Variants in COBL observed in about 807,000 individuals in gnomAD.
COBL encodes the protein protein cordon-bleu.
Under a neutral mutation model 98.8 loss-of-function variants are expected in COBL, and 51 were observed. The ratio of observed to expected loss-of-function variants is 0.52; its 90% confidence interval spans 0.41 to 0.65. The LOEUF (loss-of-function observed/expected upper bound fraction) is 0.65. COBL is among the 30% of genes least tolerant of loss of function. The probability of loss-of-function intolerance (pLI) is 0.00; values close to 1 mark genes in which losing one functional copy is unlikely to be tolerated. For synonymous variants in COBL, 634 were observed against 651.7 expected (o/e 0.97, Z 0.41); for missense variants, 1,617 against 1,617.5 (o/e 1.00, Z 0.01).
At chr7:51,035,659 G>T (rs893114485) in intron 8 of COBL, 2 of 151,522 alleles carry the variant, frequency 1.3e-5, no homozygotes, top group African/African-American at 4.8e-5. Context: ...AATGTATAAA[G>T]AAATAGGTAG....
chr7:51,167,468 C>A (rs1289301569), intron 5 of COBL, among the ~76,000 whole-genome samples: 2 of 151,750 alleles, frequency 1.3e-5, no homozygotes, highest in African/African-American at 4.8e-5. Flanking sequence ...GAAAAATATT[C>A]CATGCTTATG....
chr7:51,119,337 T>C (rs1161011331), intron 6 of COBL, among the ~76,000 whole-genome samples: 4 of 152,180 alleles, frequency 2.6e-5, no homozygotes, highest in Non-Finnish European at 5.9e-5. Flanking sequence ...AAGGGAAACA[T>C]TGGTTTTGTA....
intron 1 of COBL, among the ~76,000 whole-genome samples, chr7:51,253,717 T>C (rs1284993823): frequency 6.6e-6 from 1 of 152,212 alleles, no homozygotes; most frequent in Non-Finnish European, 1.5e-5. Context: ...CACAACACCA[T>C]TACCAACTAT....
intron 5 of COBL, among the ~76,000 whole-genome samples, chr7:51,141,361 T>C (rs1024099394): frequency 7.2e-5 from 11 of 152,192 alleles, no homozygotes; most frequent in African/African-American, 2.7e-4. Flanking sequence ...GCAGAGGCTC[T>C]TCTAAATGGG....
At chr7:51,215,607 C>G (rs1792956750) in intron 2 of COBL, among the ~76,000 whole-genome samples, 1 of 152,212 alleles carries the variant, frequency 6.6e-6, no homozygotes, top group Admixed American at 6.5e-5. Flanking sequence ...CATAATCACA[C>G]CAAGGTGCAC....
chr7:51,237,100 T>C (rs1795324794), intron 1 of COBL, among the ~76,000 whole-genome samples: 2 of 152,204 alleles, frequency 1.3e-5, no homozygotes, highest in Admixed American at 6.5e-5. Context: ...TGAAGCGAAA[T>C]GCCCAGCTCT....
chr7:51,144,757 A>C (rs1387291707), intron 5 of COBL, among the ~76,000 whole-genome samples: 3 of 152,042 alleles, frequency 2.0e-5, no homozygotes, highest in African/African-American at 7.2e-5. Flanking sequence ...GACTCTATGG[A>C]TTTACCTGTT....
At chr7:51,072,235 A>G (rs946369496) in intron 7 of COBL, 1 of 152,188 alleles carries the variant, frequency 6.6e-6, no homozygotes, top group Non-Finnish European at 1.5e-5. Flanking sequence ...ATGCATCTGC[A>G]TAATAAAAGT....
rs550684313 is a variant in COBL at position 51,038,469 on chromosome 7, C to A, written c.1406+4914G>T. ...CAGCTTGTCAATGTGTGAACCCAGGCATCCCTAGCCAAAGGAGTCTAGATG... is the reference window on the plus strand; with the variant it reads ...CAGCTTGTCAATGTGTGAACCCAGGAATCCCTAGCCAAAGGAGTCTAGATG... On this transcript the variant is annotated intron_variant, in intron 8 of 12. Transcript: ENST00000265136. 1.8e-4 allele frequency among the ~76,000 whole-genome samples: 28 copies of A among 152,352 alleles called. No individual in the cohort carries two copies. The South Asian group carries it at 5.6e-3, about 30-fold the overall frequency.
At chr7:51,050,919 A>G (rs780501520) in intron 7 of COBL, among the ~76,000 whole-genome samples, 1 of 152,244 alleles carries the variant, frequency 6.6e-6, no homozygotes, top group Non-Finnish European at 1.5e-5. Context: ...TTGCACATAT[A>G]TCTATGTAAC....
chr7:51,151,662 A>G (rs982565583), intron 5 of COBL, among the ~76,000 whole-genome samples: 1 of 152,282 alleles, frequency 6.6e-6, no homozygotes, highest in Non-Finnish European at 1.5e-5. Context: ...GGCCTGCATC[A>G]AAGTCCAGTA....
At chr7:51,060,066 G>A (rs889757339) in intron 7 of COBL, among the ~76,000 whole-genome samples, 1 of 152,034 alleles carries the variant, frequency 6.6e-6, no homozygotes, top group Non-Finnish European at 1.5e-5. Context: ...ATCTGATCTC[G>A]TCTTCAGTGC....
Position 51,294,335 on chromosome 7 carries a change from T to TAA in COBL, c.41+22256_41+22257dup, listed in dbSNP as rs1305294601. On this transcript the variant is annotated intron_variant, in intron 1 of 12. Coordinates refer to ENST00000265136, the MANE Select transcript of COBL (RefSeq NM_015198.5). ...AAATAAATAAATAAATAAATAAAAA[T>TAA]AAATAAATAAATAAAAGGCAGGGCG... 1.1e-4 allele frequency among the ~76,000 whole-genome samples: 14 copies of TAA among 133,124 alleles called. No homozygotes were observed. In the East Asian group the frequency reaches 2.2e-3, roughly 21 times the overall value. The allele number at this position is 133,124 out of a possible 152,430, so 87.3% of individuals were successfully genotyped here.
At chr7:51,177,786 AT>A (rs1377210957) in intron 5 of COBL, among the ~76,000 whole-genome samples, 1 of 146,902 alleles carries the variant, frequency 6.8e-6, no homozygotes, top group African/African-American at 2.6e-5. Flanking sequence ...AAATAAATAA[AT>A]AAATAAATAA....
chr7:51,061,950 T>TACACACACACACACACACATAC (rs1554364725), intron 7 of COBL, among the ~76,000 whole-genome samples: 1 of 145,448 alleles, frequency 6.9e-6, no homozygotes, highest in African/African-American at 2.7e-5. Flanking sequence ...CCACCATAGA[T>TACACACACACACACACACATAC]ACACACACAC....
chr7:51,056,131 G>A (rs1160533744), intron 7 of COBL, among the ~76,000 whole-genome samples: 1 of 150,378 alleles, frequency 6.6e-6, no homozygotes, highest in Non-Finnish European at 1.5e-5. Flanking sequence ...AAGACAGAAT[G>A]AGGAAATTAC....
intron 5 of COBL, chr7:51,172,469 C>T (rs1309412112): frequency 2.3e-6 from 3 of 1,288,368 alleles, no homozygotes; most frequent in African/African-American, 3.0e-5. Flanking sequence ...CAAACCCCTT[C>T]CTGGGGCAGC....
At chr7:51,233,174 T>A (rs1182345438) in intron 1 of COBL, among the ~76,000 whole-genome samples, 1 of 152,186 alleles carries the variant, frequency 6.6e-6, no homozygotes, top group Non-Finnish European at 1.5e-5. Flanking sequence ...TCTAATTATG[T>A]ATAGTGACAG....
intron 6 of COBL, among the ~76,000 whole-genome samples, chr7:51,087,483 GT>G (rs953353021): frequency 6.6e-6 from 1 of 151,780 alleles, no homozygotes; most frequent in African/African-American, 2.4e-5. Flanking sequence ...TTTGTGTGGG[GT>G]TTTTTTGGTT....
Sources: allele counts gnomAD v4.1 joint callset (sites outside exome capture counted in the v4.1 genomes callset), GRCh38; gene constraint gnomAD v4.1.1; transcripts MANE v1.5; gene names NCBI Gene and HGNC (gene_info 2026-07-23, HGNC 2026-07-21).